The following TAS2R4 variants were observed in gnomAD, a reference collection of about 807,000 sequenced individuals.
TAS2R4 encodes the protein taste receptor type 2 member 4.
Under a neutral mutation model 14.3 loss-of-function variants are expected in TAS2R4, and 18 were observed. The observed-to-expected ratio is 1.26, with a 90% CI of 0.87 to 1.86. The LOEUF (loss-of-function observed/expected upper bound fraction) is 1.86. TAS2R4 is among the 40% of genes most tolerant of loss of function. TAS2R4 has a pLI of 0.00. For missense variants in TAS2R4, 306 were observed against 342.7 expected (o/e 0.89, Z 0.85); for synonymous variants, 130 against 138.5 (o/e 0.94, Z 0.43).
rs1244281185 is a variant in TAS2R4, at chr7:141,779,835, A to G, written c.*447A>G. ...CACTGGACTGACCGAAAGCAGAGGA[A>G]GGGGGTTCAGTGCAAAGAGAAAAGG... is the stretch of plus-strand genomic sequence containing the variant. On this transcript the variant is annotated 3_prime_UTR_variant, in exon 1 of 1. Transcript: ENST00000247881. 1 of 156,264 alleles carries G rather than the reference A, an allele frequency of 6.4e-6. No individual in the cohort carries two copies. Among genetic ancestry groups the G allele is most frequent in the Non-Finnish European group, 1.4e-5 (1 of 70,976 alleles). The allele number at this position is 156,264 out of a possible 1,614,324, so 9.7% of individuals were successfully genotyped here. A position where few individuals can be genotyped will look rare whatever the true frequency, so the allele number is the denominator to read the frequency against.
chr7:141,779,560 G>A lies in TAS2R4; in HGVS notation c.*172G>A, dbSNP rs984989169. 3.2e-6 allele frequency: 2 copies of A among 620,638 alleles called. No homozygotes were observed. The highest frequency in any genetic ancestry group is 3.7e-5 in the African/African-American group (2 of 53,790). The allele number at this position is 620,638 out of a possible 1,614,324, so 38.4% of individuals were successfully genotyped here. A position where few individuals can be genotyped will look rare whatever the true frequency, so the allele number is the denominator to read the frequency against. On this transcript the variant is annotated 3_prime_UTR_variant, in exon 1 of 1. Transcript: ENST00000247881. ...TTCTGTAATTTTTTTTTTTTGGTAT[G>A]TAAGTATTTTAAAATAAGGCACATT...
rs1398688070 is a variant in TAS2R4 at position 141,777,544 on chromosome 7, A to G, written c.-945A>G. 6.6e-6 allele frequency among the ~76,000 whole-genome samples: 1 copy of G among 152,098 alleles called. No individual in the cohort carries two copies. The highest frequency in any genetic ancestry group is 1.5e-5 in the Non-Finnish European group (1 of 67,992). ...TATCATTTGCCAGGGATATTTTGCC[A>G]TTTCCCATCTGAGCAAGTACAGAGA... On this transcript the variant is annotated 5_prime_UTR_variant, in exon 1 of 1. Coordinates refer to ENST00000247881, the MANE Select transcript of TAS2R4 (RefSeq NM_016944.2).
chr7:141,781,646 ATTATT>A lies in TAS2R4; in HGVS notation c.*2262_*2266del, dbSNP rs1435526053. On this transcript the variant is annotated 3_prime_UTR_variant, in exon 1 of 1. Transcript: ENST00000247881. ...GAAATATATAAAAATGTAAACAGTA[ATTATT>A]TTAGGTGGGAGGAATCAATAAATTT... Among the ~76,000 whole-genome samples the A allele has an allele frequency of 4.6e-5, 7 of 152,180 alleles. No individual in the cohort carries two copies. The East Asian group carries it at 9.7e-4, about 21-fold the overall frequency.
rs1490363624 is a variant in TAS2R4, at chr7:141,779,061, T to G, written c.573T>G (p.Ile191Met). 1 of 1,614,218 alleles carries G rather than the reference T, an allele frequency of 6.2e-7. No homozygotes were observed. Among genetic ancestry groups the G allele is most frequent in the Non-Finnish European group, 8.5e-7 (1 of 1,180,042 alleles). The change falls in exon 1 of 1, where the codon ATT (isoleucine) becomes ATG (methionine). Residue 191 changes from isoleucine to methionine, a missense_variant. Physicochemically the swap from Ile to Met is conservative, Grantham distance 10. Transcript: ENST00000247881. ...LVLSSSLQFI[I>M]NVTSASLLIH... ...TGAGCTCATCTCTCCAGTTCATCAT[T>G]AATGTGACTTCTGCTTCCTTGCTAA...
Position 141,779,334 on chromosome 7 carries a change from C to T in TAS2R4, c.846C>T (p.Ile282=), listed in dbSNP as rs889721116. 2.5e-6 allele frequency: 4 copies of T among 1,613,784 alleles called. No individual in the cohort carries two copies. The highest frequency in any genetic ancestry group is 3.3e-5 in the Admixed American group (2 of 59,920). ...YSPGHSVLII[I]THPKLKTTAK... is the part of the protein sequence containing the mutation. ...CAGGACATTCTGTTCTCATTATTAT[C>T]ACACATCCTAAACTGAAAACAACAG... is the stretch of plus-strand genomic sequence containing the variant. The change falls in exon 1 of 1, where the codon ATC becomes ATT. Residue 282 remains isoleucine (I), a synonymous_variant. Transcript: ENST00000247881.
At position 141,779,318 on chromosome 7, in the gene TAS2R4, C is replaced by A. The variant is rs762492702; in HGVS notation, c.830C>A (p.Ser277Tyr). 4.8e-5 allele frequency: 78 copies of A among 1,614,060 alleles called. No homozygotes were observed. The highest frequency in any genetic ancestry group is 1.5e-4 in the South Asian group (14 of 91,094). The change falls in exon 1 of 1, where the codon TCT becomes TAT. Residue 277 changes from serine (S) to tyrosine (Y), a missense_variant. Ser to Tyr is a moderately radical substitution (Grantham distance 144). Coordinates refer to ENST00000247881, the MANE Select transcript of TAS2R4 (RefSeq NM_016944.2). The stretch of plus-strand genomic sequence containing the variant: ...GCCACCCTTTACTCTCCAGGACATT[C>A]TGTTCTCATTATTATCACACATCCT... ...IFATLYSPGH[S>Y]VLIIITHPKL... is the part of the protein sequence containing the mutation.
At position 141,779,253 on chromosome 7, in the gene TAS2R4, A is replaced by C. The variant is rs1040128401; in HGVS notation, c.765A>C (p.Ala255=). 1.2e-6 allele frequency: 2 copies of C among 1,614,204 alleles called. No individual in the cohort carries two copies. Among genetic ancestry groups the C allele is most frequent in the Admixed American group, 1.7e-5 (1 of 60,028 alleles). The change falls in exon 1 of 1, where the codon GCA becomes GCC. Residue 255 remains alanine (A), a synonymous_variant. Coordinates refer to ENST00000247881, the MANE Select transcript of TAS2R4 (RefSeq NM_016944.2). Reference sequence around the variant, plus strand: ...TGGTCCAGTATCTCCCCTTTTATGCAGGGATGGATATGGGGACCAAATCCA... The same window carrying C: ...TGGTCCAGTATCTCCCCTTTTATGCCGGGATGGATATGGGGACCAAATCCA... ...ATLVQYLPFY[A]GMDMGTKSIC...
Position 141,778,425 on chromosome 7 carries a change from C to T in TAS2R4, c.-64C>T. 6.9e-7 allele frequency: 1 copy of T among 1,448,006 alleles called. No homozygotes were observed. Among genetic ancestry groups the T allele is most frequent in the South Asian group, 1.3e-5 (1 of 75,444 alleles). 89.7% of individuals were successfully genotyped at this position (1,448,006 alleles called of 1,614,324 possible). ...GGCTGGATACTGGTGTCTGCTTATA[C>T]ATTTTGGTATTTCTTCTGCCTCCAC... On this transcript the variant is annotated 5_prime_UTR_variant, in exon 1 of 1. Transcript: ENST00000247881.
At position 141,778,691 on chromosome 7, in the gene TAS2R4, A is replaced by G. The variant is rs758055940; in HGVS notation, c.203A>G (p.Tyr68Cys). 1 of 1,614,108 alleles carries G rather than the reference A, an allele frequency of 6.2e-7. No homozygotes were observed. The highest frequency in any genetic ancestry group is 8.5e-7 in the Non-Finnish European group (1 of 1,180,034). ...MLGLFLVNTI[Y>C]FVSSNTERSV... ...GGACTATTTCTGGTGAACACCATCT[A>G]CTTCGTCTCTTCAAATACGGAAAGG... The change falls in exon 1 of 1, where the codon TAC (tyrosine) becomes TGC (cysteine). Residue 68 changes from tyrosine (Y) to cysteine (C), a missense_variant. Transcript: ENST00000247881.
rs769290165 is a variant in TAS2R4, at chr7:141,776,786, C to A, written c.-1703C>A. ...AGGAAGTTTAACCATAGGTCAAATT[C>A]TCATGCATAGGGAGAAAGGGTTCTG... On this transcript the variant is annotated 5_prime_UTR_variant, in exon 1 of 1. Transcript: ENST00000247881. 2.0e-5 allele frequency among the ~76,000 whole-genome samples: 3 copies of A among 151,760 alleles called. No individual in the cohort carries two copies. The highest frequency in any genetic ancestry group is 4.4e-5 in the Non-Finnish European group (3 of 67,956).
rs1287404252 is a variant in TAS2R4, at chr7:141,781,525, A to G, written c.*2137A>G. ...CTTATTAGTCAAAGAACCTTTTTAT[A>G]TGACCTACTAAGTGAAATTGAAATA... On this transcript the variant is annotated 3_prime_UTR_variant, in exon 1 of 1. Transcript: ENST00000247881. Among the ~76,000 whole-genome samples, 1 of 152,186 alleles carries G rather than the reference A, an allele frequency of 6.6e-6. No individual in the cohort carries two copies. The highest frequency in any genetic ancestry group is 2.4e-5 in the African/African-American group (1 of 41,446).
chr7:141,777,325 C>T lies in TAS2R4; in HGVS notation c.-1164C>T, dbSNP rs1800256210. Among the ~76,000 whole-genome samples the T allele has an allele frequency of 1.3e-5, 2 of 152,120 alleles. No individual in the cohort carries two copies. The highest frequency in any genetic ancestry group is 2.4e-5 in the African/African-American group (1 of 41,414). On this transcript the variant is annotated 5_prime_UTR_variant, in exon 1 of 1. Coordinates refer to ENST00000247881, the MANE Select transcript of TAS2R4 (RefSeq NM_016944.2). ...CATGAATGTATTCCCCTCTTCTGGA[C>T]CTGATTATTATTAAATCTTAGCTCC...
In TAS2R4 at chr7:141,780,919, A is replaced by C. The variant is rs1012819967; in HGVS notation, c.*1531A>C. 2 of 151,974 alleles carry C rather than the reference A, an allele frequency of 1.3e-5. No homozygotes were observed. The highest frequency in any genetic ancestry group is 2.9e-5 in the Non-Finnish European group (2 of 68,006). The allele number at this position is 151,974 out of a possible 1,614,324, so 9.4% of individuals were successfully genotyped here. On this transcript the variant is annotated 3_prime_UTR_variant, in exon 1 of 1. Coordinates refer to ENST00000247881, the MANE Select transcript of TAS2R4 (RefSeq NM_016944.2). ...GCTATGAAACCTGGAGGTATTCATC[A>C]TGTTAAATCCTAAGAGAGATAAAAG...
chr7:141,778,528 G>T lies in TAS2R4; in HGVS notation c.40G>T (p.Val14Phe). The T allele has an allele frequency of 6.2e-7, 1 of 1,613,904 alleles. No individual in the cohort carries two copies. Among genetic ancestry groups the T allele is most frequent in the South Asian group, 1.1e-5 (1 of 91,046 alleles). Residue 14 changes from valine to phenylalanine, a missense_variant, in exon 1 of 1, where the codon GTT (valine) becomes TTT (phenylalanine). Val to Phe is a conservative substitution (Grantham distance 50). Transcript: ENST00000247881. The stretch of plus-strand genomic sequence containing the variant: ...CTATTTCTCTGCTATTATTGCCTCA[G>T]TTATTTTAAATTTTGTAGGAATCAT... Reference protein sequence around the residue: ...LFYFSAIIASVILNFVGIIMN... With the variant: ...LFYFSAIIASFILNFVGIIMN...
chr7:141,779,398 A>G lies in TAS2R4; in HGVS notation c.*10A>G, dbSNP rs1490235515. On this transcript the variant is annotated 3_prime_UTR_variant, in exon 1 of 1. Transcript: ENST00000247881. ...TTGTTTCAAAAAATAGTGGAATTTC[A>G]GTAAACAATACCTAGATTTACCTGA... is the stretch of plus-strand genomic sequence containing the variant. 1.3e-6 allele frequency: 2 copies of G among 1,588,742 alleles called. No homozygotes were observed. The highest frequency in any genetic ancestry group is 4.5e-5 in the East Asian group (2 of 44,550).
In TAS2R4 at chr7:141,779,362, A is replaced by G. The variant is rs1006781938; in HGVS notation, c.874A>G (p.Lys292Glu). 1 of 1,600,704 alleles carries G rather than the reference A, an allele frequency of 6.2e-7. No individual in the cohort carries two copies. Among genetic ancestry groups the G allele is most frequent in the Non-Finnish European group, 8.5e-7 (1 of 1,171,274 alleles). Residue 292 changes from lysine to glutamate, a missense_variant, in exon 1 of 1, where the codon AAG (lysine) becomes GAG (glutamate). By Grantham distance (56) the Lys-to-Glu change is moderately conservative (BLOSUM62 1). Transcript: ENST00000247881. ...ACATCCTAAACTGAAAACAACAGCAAAGAAGATTCTTTGTTTCAAAAAATA... is the reference window on the plus strand; with the variant it reads ...ACATCCTAAACTGAAAACAACAGCAGAGAAGATTCTTTGTTTCAAAAAATA... ...ITHPKLKTTA[K>E]KILCFKK
Position 141,779,097 on chromosome 7 carries a change from G to A in TAS2R4, c.609G>A (p.Leu203=). Residue 203 remains leucine, a synonymous_variant, in exon 1 of 1, where the codon TTG becomes TTA. Transcript: ENST00000247881. ...VTSASLLIHS[L]RRHIQKMQKN... ...CTGCTTCCTTGCTAATACACTCCTT[G>A]AGGAGACATATACAGAAGATGCAGA... The A allele has an allele frequency of 1.2e-6, 2 of 1,614,148 alleles. No individual in the cohort carries two copies. Among genetic ancestry groups the A allele is most frequent in the Non-Finnish European group, 1.7e-6 (2 of 1,180,028 alleles).
At position 141,779,229 on chromosome 7, in the gene TAS2R4, G is replaced by A; in HGVS notation, c.741G>A (p.Leu247=). The change falls in exon 1 of 1, where the codon CTG becomes CTA. Residue 247 remains leucine (L), a synonymous_variant. Transcript: ENST00000247881. ...ACATTCCATATTCAGTTGCTACCCT[G>A]GTCCAGTATCTCCCCTTTTATGCAG... ...ILYIPYSVAT[L]VQYLPFYAGM... 1 of 1,614,094 alleles carries A rather than the reference G, an allele frequency of 6.2e-7. No individual in the cohort carries two copies. Among genetic ancestry groups the A allele is most frequent in the Non-Finnish European group, 8.5e-7 (1 of 1,180,022 alleles).
Position 141,778,633 on chromosome 7 carries a change from T to A in TAS2R4, c.145T>A (p.Phe49Ile), listed in dbSNP as rs770219699. The A allele has an allele frequency of 8.7e-6, 14 of 1,614,230 alleles. No individual in the cohort carries two copies. The East Asian group carries it at 2.9e-4, about 33-fold the overall frequency. The change falls in exon 1 of 1, where the codon TTC becomes ATC. Residue 49 changes from phenylalanine to isoleucine, a missense_variant. Transcript: ENST00000247881. ...AATCTCCTCTTCTGATAGGATTCTGTTCAGCCTGGGCATCACCAGGTTTCT... is the reference window on the plus strand; with the variant it reads ...AATCTCCTCTTCTGATAGGATTCTGATCAGCCTGGGCATCACCAGGTTTCT... ...HRISSSDRIL[F>I]SLGITRFLML...
Sources: allele counts gnomAD v4.1 joint callset (sites outside exome capture counted in the v4.1 genomes callset), GRCh38; gene constraint gnomAD v4.1.1; transcripts MANE v1.5; gene names NCBI Gene and HGNC (gene_info 2026-07-23, HGNC 2026-07-21).